The following SGCD variants were observed in gnomAD, a reference collection of about 807,000 sequenced individuals.
The protein encoded by SGCD is delta-sarcoglycan.
Under a neutral mutation model 36.6 loss-of-function variants are expected in SGCD, and 18 were observed. The ratio of observed to expected loss-of-function variants is 0.49; its 90% CI spans 0.34 to 0.73. The LOEUF is 0.73. Ranked by LOEUF, SGCD falls within the 30% of genes least tolerant of loss-of-function variation. The pLI is 0.01. For synonymous variants in SGCD, 133 were observed against 130.6 expected (o/e 1.02, Z -0.12); for missense variants, 387 against 346.7 (o/e 1.12, Z -0.92).
chr5:156,534,277 G>A (rs999967754), intron 4 of SGCD, among the ~76,000 whole-genome samples: 4 of 151,836 alleles, frequency 2.6e-5, no homozygotes, highest in African/African-American at 9.7e-5. Context: ...AGTCAGCAAT[G>A]TACAAAAGTG....
intron 3 of SGCD, among the ~76,000 whole-genome samples, chr5:156,273,949 A>G (rs1012078427): frequency 5.3e-5 from 8 of 152,170 alleles, no homozygotes; most frequent in African/African-American, 1.7e-4. Flanking sequence ...CCAAGGTTCC[A>G]TACAGTCTGG....
intron 3 of SGCD, among the ~76,000 whole-genome samples, chr5:156,237,969 A>G (rs1378449471): frequency 6.7e-6 from 1 of 150,232 alleles, no homozygotes; most frequent in Non-Finnish European, 1.5e-5. Flanking sequence ...TTTTTTTGAG[A>G]CAGAGTCTCA....
chr5:156,603,695 G>A (rs1274169416), intron 6 of SGCD, among the ~76,000 whole-genome samples: 3 of 151,856 alleles, frequency 2.0e-5, no homozygotes, highest in Admixed American at 2.0e-4. Context: ...TTGTTTACAT[G>A]TATTTGTAAA....
chr5:156,647,668 C>T, intron 7 of SGCD, 132 bp downstream of exon 7: 2 of 671,700 alleles, frequency 3.0e-6, no homozygotes, highest in Non-Finnish European at 5.3e-6. Context: ...TTGGAGAGAA[C>T]CAGAAGATAA....
rs576207764 is a variant in SGCD, at chr5:156,142,293, C to T, written c.-44+18274C>T. Among the ~76,000 whole-genome samples the T allele has an allele frequency of 3.3e-5, 5 of 152,300 alleles. No homozygotes were observed. In the South Asian group the frequency reaches 1.0e-3, roughly 32 times the overall value. On this transcript the variant is annotated intron_variant, in intron 3 of 9. Coordinates refer to the SGCD transcript ENST00000517913. ...CTGCAGAACTGTGAGCCAGTTAAAC[C>T]TCTTTTCTTTATAAATTAACCAGTC...
intron 6 of SGCD, among the ~76,000 whole-genome samples, chr5:156,598,421 A>T (rs1761026046): frequency 6.6e-6 from 1 of 152,186 alleles, no homozygotes; most frequent in Non-Finnish European, 1.5e-5. Context: ...ACACAGCTGT[A>T]ATCCCAGCTA....
At chr5:155,916,269 TAAAA>T (rs1158263877) in intron 1 of SGCD, among the ~76,000 whole-genome samples, 4 of 152,094 alleles carry the variant, frequency 2.6e-5, no homozygotes, top group Admixed American at 6.5e-5. Context: ...TAGCAAAACA[TAAAA>T]AAACAGAAAA....
chr5:155,933,535 T>C (rs763700874), intron 1 of SGCD, among the ~76,000 whole-genome samples: 3 of 152,208 alleles, frequency 2.0e-5, no homozygotes, highest in Non-Finnish European at 4.4e-5. Flanking sequence ...TAGTCATTAA[T>C]TGTTAGGTGA....
chr5:156,071,221 T>A (rs1760550734), intron 1 of SGCD, among the ~76,000 whole-genome samples: 2 of 152,210 alleles, frequency 1.3e-5, no homozygotes, highest in East Asian at 1.9e-4. Flanking sequence ...AATTGTGATG[T>A]TAGGGTGTCA....
In SGCD at chr5:156,305,754, T is replaced by A. The variant is rs1157822343; in HGVS notation, c.-43-23780T>A. Among the ~76,000 whole-genome samples the A allele has an allele frequency of 2.0e-5, 3 of 152,312 alleles. No homozygotes were observed. The East Asian group carries it at 5.8e-4, about 29-fold the overall frequency. On this transcript the variant is annotated intron_variant, in intron 3 of 9. Coordinates refer to the SGCD transcript ENST00000517913. ...ATGATAGCAGTCAGGAGGGAAGCTG[T>A]ATGCTCCAAAACCACAGGGCAGAGC...
chr5:156,211,478 G>C (rs1764440353), intron 3 of SGCD, among the ~76,000 whole-genome samples: 1 of 151,932 alleles, frequency 6.6e-6, no homozygotes, highest in African/African-American at 2.4e-5. Context: ...CGTGGTGGCG[G>C]GCGCCTGTAG....
chr5:155,800,328 G>A, the SGCD span, among the ~76,000 whole-genome samples: 3 of 152,166 alleles, frequency 2.0e-5, no homozygotes, highest in South Asian at 2.1e-4. Context: ...CTGGTTTGGC[G>A]TATTTTTTCC....
chr5:156,523,702 C>A (rs990562602), intron 4 of SGCD, among the ~76,000 whole-genome samples: 1 of 151,934 alleles, frequency 6.6e-6, no homozygotes, highest in Non-Finnish European at 1.5e-5. Flanking sequence ...TATTCTTACA[C>A]GGTAGAGTTC....
chr5:155,945,563 A>G (rs1757421752), intron 1 of SGCD, among the ~76,000 whole-genome samples: 1 of 152,196 alleles, frequency 6.6e-6, no homozygotes, highest in African/African-American at 2.4e-5. Context: ...AGAGGACGGA[A>G]CTAGCCTGAG....
intron 1 of SGCD, among the ~76,000 whole-genome samples, chr5:156,116,441 A>G (rs1021653322): frequency 6.6e-6 from 1 of 152,096 alleles, no homozygotes; most frequent in African/African-American, 2.4e-5. Context: ...CACTTACTAG[A>G]GTTTTTCTCT....
chr5:156,383,927 ACT>A (rs1189748738), intron 3 of SGCD, among the ~76,000 whole-genome samples: 1 of 152,108 alleles, frequency 6.6e-6, no homozygotes, highest in Non-Finnish European at 1.5e-5. Context: ...ATGGCAAGAG[ACT>A]CTGTGATAAA....
At chr5:156,411,162 T>C (rs997192056) in intron 3 of SGCD, among the ~76,000 whole-genome samples, 1 of 152,194 alleles carries the variant, frequency 6.6e-6, no homozygotes, top group Non-Finnish European at 1.5e-5. Context: ...TTATTGGTGA[T>C]TTTTGAGGTT....
rs145576407 is a variant in SGCD, at chr5:156,670,026, G to A, written c.575+22490G>A. On this transcript the variant is annotated intron_variant, in intron 7 of 8. Coordinates refer to ENST00000337851, the MANE Select transcript of SGCD (RefSeq NM_000337.6). ...TGATTGTCCCCATCACGACCAGCCC[G>A]TTTTCACCTGAATTTGAGAGGGGCA... Among the ~76,000 whole-genome samples the A allele has an allele frequency of 1.2e-3, 177 of 152,110 alleles. 1 individual carries two copies. Among genetic ancestry groups the A allele is most frequent in the African/African-American group, 4.0e-3 (164 of 41,502 alleles).
chr5:155,923,444 A>G (rs1322365346), intron 1 of SGCD, among the ~76,000 whole-genome samples: 3 of 152,178 alleles, frequency 2.0e-5, no homozygotes, highest in Non-Finnish European at 4.4e-5. Flanking sequence ...AACCACAAAG[A>G]CTGATTTCTT....
Sources: gnomAD v4.1 joint callset for allele counts (sites outside exome capture counted in the v4.1 genomes callset) on GRCh38, gnomAD v4.1.1 for gene constraint, MANE v1.5 for transcripts, NCBI Gene and HGNC (gene_info 2026-07-23, HGNC 2026-07-21) for gene names.